IMMP2L: variants seen among roughly 807,000 people sequenced by gnomAD.
IMMP2L encodes inner mitochondrial membrane peptidase subunit 2.
In IMMP2L, 18 loss-of-function variants were observed where a neutral mutation model predicts 19.3. The observed-to-expected ratio is 0.93, with a 90% CI of 0.64 to 1.38. The LOEUF (loss-of-function observed/expected upper bound fraction) is 1.38. IMMP2L is among the 40% of genes most tolerant of loss of function. The probability of loss-of-function intolerance (pLI) is 0.00; values close to 1 mark genes in which losing one functional copy is unlikely to be tolerated. For missense variants in IMMP2L, 233 were observed against 218.2 expected (o/e 1.07, Z -0.43); for synonymous variants, 76 against 73.0 (o/e 1.04, Z -0.21).
rs559648736 is a variant in IMMP2L, at chr7:111,503,571, A to G, written c.136-16230T>C. On this transcript the variant is annotated intron_variant, in intron 2 of 5. Transcript: ENST00000405709. The stretch of plus-strand genomic sequence containing the variant: ...ATGAACATTGATGCAAAAATCCTCA[A>G]TAAAATACTGGCAAACCAAATCCAG... Among the ~76,000 whole-genome samples the G allele has an allele frequency of 2.6e-3, 391 of 152,308 alleles. 3 individuals are homozygous for G. Among genetic ancestry groups the G allele is most frequent in the African/African-American group, 8.6e-3 (359 of 41,582 alleles).
intron 3 of IMMP2L, among the ~76,000 whole-genome samples, chr7:111,483,093 C>T (rs1217691261): frequency 1.3e-5 from 2 of 152,130 alleles, no homozygotes; most frequent in Non-Finnish European, 2.9e-5. Context: ...TAATATTCTA[C>T]TGATGTCAAT....
intron 3 of IMMP2L, among the ~76,000 whole-genome samples, chr7:111,284,022 C>T (rs1820214982): frequency 6.8e-6 from 1 of 147,562 alleles, no homozygotes; most frequent in Non-Finnish European, 1.5e-5. Context: ...CATTTCATAT[C>T]ATATTCTATG....
At chr7:111,074,993 G>A (rs548522748) in intron 3 of IMMP2L, among the ~76,000 whole-genome samples, 39 of 152,138 alleles carry the variant, frequency 2.6e-4, no homozygotes, top group Admixed American at 2.5e-3. Context: ...CAGCGTGGAC[G>A]GAAAAGATCA....
chr7:111,407,507 T>C (rs968073992), intron 3 of IMMP2L, among the ~76,000 whole-genome samples: 11 of 152,028 alleles, frequency 7.2e-5, no homozygotes, highest in Non-Finnish European at 1.3e-4. Context: ...TACTGTAACA[T>C]GGATGAACCT....
At chr7:111,243,473 T>C (rs1815422945) in intron 3 of IMMP2L, among the ~76,000 whole-genome samples, 1 of 151,588 alleles carries the variant, frequency 6.6e-6, no homozygotes, top group Non-Finnish European at 1.5e-5. Flanking sequence ...GTTATATGCT[T>C]ATAGAAGTAA....
chr7:110,679,900 C>T (rs1792586507), intron 5 of IMMP2L, among the ~76,000 whole-genome samples: 1 of 152,182 alleles, frequency 6.6e-6, no homozygotes, highest in African/African-American at 2.4e-5. Flanking sequence ...AACAGGCTGA[C>T]TTACACAGCT....
chr7:111,487,538 A>T (rs1244147433), intron 2 of IMMP2L, among the ~76,000 whole-genome samples, 197 bp from the exon 3 acceptor site: 6 of 152,192 alleles, frequency 3.9e-5, no homozygotes, highest in African/African-American at 4.8e-5. Flanking sequence ...GAACCAGAAA[A>T]AAATAAATTA....
intron 3 of IMMP2L, among the ~76,000 whole-genome samples, chr7:111,393,333 C>G (rs1344850970): frequency 6.6e-6 from 1 of 152,144 alleles, no homozygotes; most frequent in African/African-American, 2.4e-5. Flanking sequence ...ACAGATCTTA[C>G]AAGTGAATAG....
chr7:111,535,639 G>A (rs978530554), intron 1 of IMMP2L, among the ~76,000 whole-genome samples: 4 of 152,174 alleles, frequency 2.6e-5, no homozygotes, highest in African/African-American at 9.6e-5. Context: ...CAAGGGTATA[G>A]AGTCAAATAC....
intron 5 of IMMP2L, among the ~76,000 whole-genome samples, chr7:110,837,280 G>A (rs567266493): frequency 1.3e-5 from 2 of 152,048 alleles, no homozygotes; most frequent in Admixed American, 1.3e-4. Flanking sequence ...TCCAGTTTAG[G>A]AGAGAAGAAA....
chr7:111,082,890 TTTTG>T (rs967069798), intron 3 of IMMP2L, among the ~76,000 whole-genome samples: 3 of 151,884 alleles, frequency 2.0e-5, no homozygotes, highest in South Asian at 2.1e-4. Flanking sequence ...CGTGTTGCTC[TTTTG>T]TTTGATTGTA....
chr7:111,047,972 G>T (rs190783308), intron 3 of IMMP2L, among the ~76,000 whole-genome samples: 36 of 152,256 alleles, frequency 2.4e-4, no homozygotes, highest in Non-Finnish European at 4.3e-4. Context: ...GGGTGTGGTG[G>T]CTCACGCTTG....
At chr7:111,409,069 T>A (rs1834144589) in intron 3 of IMMP2L, among the ~76,000 whole-genome samples, 1 of 151,804 alleles carries the variant, frequency 6.6e-6, no homozygotes, top group African/African-American at 2.4e-5. Context: ...AGTTAAATTG[T>A]TTTTATTTAG....
chr7:110,669,302 C>G (rs1040709045), intron 5 of IMMP2L, among the ~76,000 whole-genome samples: 8 of 152,086 alleles, frequency 5.3e-5, no homozygotes, highest in African/African-American at 1.9e-4. Context: ...CAGGTGAGGT[C>G]TGAAGACGAT....
chr7:111,538,891 T>G (rs1463790213), intron 1 of IMMP2L, among the ~76,000 whole-genome samples: 4 of 139,604 alleles, frequency 2.9e-5, no homozygotes, highest in Non-Finnish European at 6.1e-5. Flanking sequence ...GAGGCTGAGG[T>G]GGGCAGATCA....
chr7:111,286,837 G>A (rs1820538302), intron 3 of IMMP2L, among the ~76,000 whole-genome samples: 1 of 152,158 alleles, frequency 6.6e-6, no homozygotes, highest in South Asian at 2.1e-4. Flanking sequence ...GTGGGTGACT[G>A]AGGTCCCAGA....
At chr7:110,771,967 A>C (rs1799073008) in intron 5 of IMMP2L, among the ~76,000 whole-genome samples, 1 of 152,120 alleles carries the variant, frequency 6.6e-6, no homozygotes, top group South Asian at 2.1e-4. Flanking sequence ...TATTAAAGAG[A>C]ACTCTTAGTC....
intron 3 of IMMP2L, among the ~76,000 whole-genome samples, chr7:111,145,574 G>A (rs146521376): frequency 1.3e-5 from 2 of 152,182 alleles, no homozygotes; most frequent in African/African-American, 2.4e-5. Flanking sequence ...CCAATGGACT[G>A]CCAAGTAAGT....
intron 5 of IMMP2L, among the ~76,000 whole-genome samples, chr7:110,792,483 C>A (rs1446445563): frequency 6.6e-6 from 1 of 152,016 alleles, no homozygotes; most frequent in Non-Finnish European, 1.5e-5. Context: ...CTTTTCTGGC[C>A]TTTAAAAAAA....
Sources: allele counts gnomAD v4.1 joint callset (sites outside exome capture counted in the v4.1 genomes callset), GRCh38; gene constraint gnomAD v4.1.1; transcripts MANE v1.5; gene names NCBI Gene and HGNC (gene_info 2026-07-23, HGNC 2026-07-21).